Variants in SLIT3 observed in about 807,000 individuals in gnomAD.
SLIT3 encodes the protein slit guidance ligand 3, also known as slit homolog 3 protein.
In SLIT3, 68 loss-of-function variants were observed where a neutral mutation model predicts 184.0. The ratio of observed to expected loss-of-function variants is 0.37; its 90% CI spans 0.30 to 0.45. The LOEUF (loss-of-function observed/expected upper bound fraction) is 0.45, where lower values mean the gene tolerates loss of function less well. SLIT3 is among the 20% of genes least tolerant of loss of function. SLIT3 has a pLI of 1.00. For missense variants in SLIT3, 1,707 were observed against 2,026.0 expected, an observed-to-expected ratio of 0.84 and a Z score of 3.02; for synonymous variants, 831 against 828.6, an observed-to-expected ratio of 1.00 and a Z score of -0.05.
chr5:169,287,902 T>C (rs1248578422), intron 1 of SLIT3, among the ~76,000 whole-genome samples: 1 of 152,110 alleles, frequency 6.6e-6, no homozygotes, highest in African/African-American at 2.4e-5. Context: ...GAAACTCCAC[T>C]GGCCAAGTGA....
chr5:168,909,587 C>T (rs1323243987), intron 4 of SLIT3, among the ~76,000 whole-genome samples: 1 of 152,294 alleles, frequency 6.6e-6, no homozygotes, highest in African/African-American at 2.4e-5. Context: ...TTTTATTATG[C>T]CTGCCCACTT....
intron 4 of SLIT3, among the ~76,000 whole-genome samples, chr5:169,137,599 T>C (rs896699647): frequency 2.0e-5 from 3 of 151,882 alleles, no homozygotes; most frequent in Non-Finnish European, 4.4e-5. Context: ...AAATGGCCAC[T>C]TGCTTAGGTG....
chr5:168,786,100 G>T (rs887123453), intron 11 of SLIT3, 122 bp from the exon 12 acceptor site: 2 of 680,176 alleles, frequency 2.9e-6, no homozygotes, highest in African/African-American at 3.5e-5. Context: ...CCCCTTCCAC[G>T]GCCTGCCTAA....
intron 4 of SLIT3, among the ~76,000 whole-genome samples, chr5:169,062,434 A>T (rs1758204255): frequency 6.6e-6 from 1 of 151,988 alleles, no homozygotes; most frequent in Non-Finnish European, 1.5e-5. Flanking sequence ...GTAGGCAAGG[A>T]CTCATCATCT....
At chr5:168,947,144 C>A (rs1273098760) in intron 4 of SLIT3, among the ~76,000 whole-genome samples, 1 of 152,180 alleles carries the variant, frequency 6.6e-6, no homozygotes, top group Non-Finnish European at 1.5e-5. Context: ...ATCCTACACA[C>A]ACACACATAA....
chr5:169,283,116 C>A (rs1189072388), intron 1 of SLIT3, among the ~76,000 whole-genome samples: 1 of 152,208 alleles, frequency 6.6e-6, no homozygotes, highest in Non-Finnish European at 1.5e-5. Flanking sequence ...AATGGTAAAA[C>A]TGTGATTCAA....
intron 5 of SLIT3, among the ~76,000 whole-genome samples, chr5:168,865,173 C>CACAAA (rs1759253794): frequency 1.8e-5 from 1 of 56,298 alleles, no homozygotes; most frequent in African/African-American, 7.4e-5. Context: ...AACTCCGTCT[C>CACAAA]AAAAAAAAAA....
chr5:169,117,855 T>C (rs911309795), intron 4 of SLIT3, among the ~76,000 whole-genome samples: 12 of 152,220 alleles, frequency 7.9e-5, no homozygotes, highest in African/African-American at 2.9e-4. Flanking sequence ...GGTTCTCTCC[T>C]TGGCCCTTTA....
intron 4 of SLIT3, among the ~76,000 whole-genome samples, chr5:168,978,572 A>G (rs1754844295): frequency 6.6e-6 from 1 of 152,184 alleles, no homozygotes; most frequent in South Asian, 2.1e-4. Flanking sequence ...TGCCTGAGAA[A>G]TGAGTTCTTT....
chr5:168,942,767 TG>T (rs1036671891), intron 4 of SLIT3, among the ~76,000 whole-genome samples: 5 of 123,072 alleles, frequency 4.1e-5, no homozygotes, highest in African/African-American at 1.6e-4. Context: ...CTGGAGTTTG[TG>T]GGGGGTGACC....
At chr5:168,826,220 C>T (rs187574047) in intron 6 of SLIT3, among the ~76,000 whole-genome samples, 380 of 152,274 alleles carry the variant, frequency 2.5e-3, no homozygotes, top group African/African-American at 3.4e-3. Context: ...AAAACATTTA[C>T]GATAATAGCA....
chr5:169,106,538 C>G (rs1467211096), intron 4 of SLIT3, among the ~76,000 whole-genome samples: 2 of 152,202 alleles, frequency 1.3e-5, no homozygotes, highest in Non-Finnish European at 2.9e-5. Context: ...GCAAAACACT[C>G]TTTAAAAAAA....
Position 168,897,646 on chromosome 5 carries a change from G to GCGCGCACACACACA in SLIT3, c.414-14311_414-14310insTGTGTGTGTGCGCG. Among the ~76,000 whole-genome samples, 258 of 105,436 alleles carry GCGCGCACACACACA rather than the reference G, an allele frequency of 2.4e-3. 1 individual carries two copies. The highest frequency in any genetic ancestry group is 1.0e-2 in the African/African-American group (237 of 23,808). The allele number at this position is 105,436 out of a possible 152,430, so 69.2% of individuals were successfully genotyped here. A position where few individuals can be genotyped will look rare whatever the true frequency, so the allele number is the denominator to read the frequency against. Reference sequence around the variant, plus strand: ...AGAAAGAGGATGGAGACAGGTGCACGTACACACACACACACACACACACAC... The same window carrying GCGCGCACACACACA: ...AGAAAGAGGATGGAGACAGGTGCACGCGCGCACACACACATACACACACACACACACACACACAC... On this transcript the variant is annotated intron_variant, in intron 4 of 35. Transcript: ENST00000519560.
intron 4 of SLIT3, among the ~76,000 whole-genome samples, chr5:168,887,354 T>C (rs1164783254): frequency 2.0e-5 from 3 of 152,148 alleles, no homozygotes; most frequent in Admixed American, 6.5e-5. Flanking sequence ...CCAAATTAAT[T>C]CCGAAGCTAC....
At chr5:169,026,171 T>C (rs1172876552) in intron 4 of SLIT3, 1 of 152,230 alleles carries the variant, frequency 6.6e-6, no homozygotes, top group East Asian at 1.9e-4. Flanking sequence ...ATTAGGATAT[T>C]CTGAGAACTG....
At chr5:169,029,260 A>G (rs1404961307) in intron 4 of SLIT3, among the ~76,000 whole-genome samples, 1 of 152,228 alleles carries the variant, frequency 6.6e-6, no homozygotes, top group Non-Finnish European at 1.5e-5. Context: ...CCGAGAAGAC[A>G]TAGCCACAGG....
intron 26 of SLIT3, among the ~76,000 whole-genome samples, chr5:168,704,997 G>C (rs1046031644): frequency 2.0e-5 from 3 of 152,220 alleles, no homozygotes; most frequent in Non-Finnish European, 4.4e-5. Context: ...CCATTTTACA[G>C]CTGAGGAAAC....
At chr5:169,061,283 G>C (rs1758165318) in intron 4 of SLIT3, among the ~76,000 whole-genome samples, 1 of 152,220 alleles carries the variant, frequency 6.6e-6, no homozygotes. Flanking sequence ...ACCAGGGAGA[G>C]TGAAGCTCTG....
chr5:168,787,071 G>A (rs548888236), intron 11 of SLIT3, among the ~76,000 whole-genome samples: 36 of 152,304 alleles, frequency 2.4e-4, no homozygotes, highest in African/African-American at 8.4e-4. Context: ...TTTTCCAGAC[G>A]CCACTGGGAG....
Sources: gnomAD v4.1 joint callset for allele counts (sites outside exome capture counted in the v4.1 genomes callset) on GRCh38, gnomAD v4.1.1 for gene constraint, MANE v1.5 for transcripts, NCBI Gene and HGNC (gene_info 2026-07-23, HGNC 2026-07-21) for gene names.